Variants in WDR7 observed in about 807,000 individuals in gnomAD.
The protein encoded by WDR7 is WD repeat domain 7.
WDR7 carries 46 observed loss-of-function variants against 169.4 expected under a neutral mutation model. The observed-to-expected ratio is 0.27, with a 90% CI of 0.21 to 0.35. WDR7 has a LOEUF of 0.35. WDR7 is among the 10% of genes least tolerant of loss of function. The pLI is 1.00. For synonymous variants in WDR7, 612 were observed against 666.8 expected, an observed-to-expected ratio of 0.92 and a Z score of 1.27; for missense variants, 1,534 against 1,859.3, an observed-to-expected ratio of 0.83 and a Z score of 3.22.
At chr18:56,979,493 C>G (rs768736021) in intron 26 of WDR7, among the ~76,000 whole-genome samples, 1 of 152,138 alleles carries the variant, frequency 6.6e-6, no homozygotes, top group Non-Finnish European at 1.5e-5. Flanking sequence ...CTGATAAAAT[C>G]GCTAATAGAA....
At chr18:56,910,533 A>AT (rs2046538447) in intron 21 of WDR7, among the ~76,000 whole-genome samples, 1 of 152,014 alleles carries the variant, frequency 6.6e-6, no homozygotes, top group Admixed American at 6.6e-5. Flanking sequence ...GCTATTTGTG[A>AT]TTTTTCTCCA....
intron 25 of WDR7, among the ~76,000 whole-genome samples, chr18:56,950,144 A>G (rs180677679): frequency 2.6e-5 from 4 of 152,328 alleles, no homozygotes; most frequent in African/African-American, 4.8e-5. Flanking sequence ...TTTCTCCAAG[A>G]CAACCATGAG....
intron 26 of WDR7, among the ~76,000 whole-genome samples, chr18:56,982,556 C>A (rs201641314): frequency 1.3e-5 from 2 of 152,130 alleles, no homozygotes; most frequent in South Asian, 2.1e-4. Flanking sequence ...AGAAGAGCTT[C>A]TTTTCTAATT....
intron 26 of WDR7, among the ~76,000 whole-genome samples, chr18:56,977,716 C>G (rs1044570833): frequency 6.6e-6 from 1 of 151,984 alleles, no homozygotes; most frequent in African/African-American, 2.4e-5. Context: ...ATGACAGGAG[C>G]AAGAAAACAT....
intron 21 of WDR7, among the ~76,000 whole-genome samples, chr18:56,913,673 T>C (rs2046583916): frequency 6.6e-6 from 1 of 150,830 alleles, no homozygotes; most frequent in Admixed American, 6.6e-5. Flanking sequence ...TGTGCACCTG[T>C]AGTCCCAGGT....
intron 25 of WDR7, among the ~76,000 whole-genome samples, chr18:56,945,100 C>T (rs536331868): frequency 6.6e-6 from 1 of 152,108 alleles, no homozygotes; most frequent in East Asian, 1.9e-4. Flanking sequence ...TACCCTGTTC[C>T]GTAAAGGAGT....
intron 26 of WDR7, among the ~76,000 whole-genome samples, chr18:57,014,017 T>A (rs180828279): frequency 6.6e-6 from 1 of 152,180 alleles, no homozygotes. Context: ...ATTCCAGTAC[T>A]CAGTCTGGTT....
At chr18:56,733,149 T>G (rs2026624186) in intron 14 of WDR7, among the ~76,000 whole-genome samples, 1 of 152,192 alleles carries the variant, frequency 6.6e-6, no homozygotes. Flanking sequence ...TTATGTATTG[T>G]AAAATATATT....
chr18:56,733,412 C>T (rs1000880972), intron 14 of WDR7, among the ~76,000 whole-genome samples: 3 of 152,090 alleles, frequency 2.0e-5, no homozygotes, highest in Non-Finnish European at 4.4e-5. Flanking sequence ...GAGAAATAAA[C>T]CCACCCAAAG....
intron 21 of WDR7, among the ~76,000 whole-genome samples, chr18:56,910,416 C>T (rs1248976346): frequency 6.6e-6 from 1 of 152,124 alleles, no homozygotes; most frequent in Non-Finnish European, 1.5e-5. Context: ...ATGGTACTCT[C>T]CAATGTGGTC....
intron 19 of WDR7, among the ~76,000 whole-genome samples, chr18:56,792,112 C>T (rs1035747742): frequency 2.0e-5 from 3 of 152,008 alleles, no homozygotes; most frequent in African/African-American, 7.2e-5. Flanking sequence ...CAACCTCCTG[C>T]GTTCAAGCAA....
intron 1 of WDR7, among the ~76,000 whole-genome samples, chr18:56,669,757 G>T (rs2025094027): frequency 6.6e-6 from 1 of 151,878 alleles, no homozygotes; most frequent in South Asian, 2.1e-4. Context: ...TTTGCTTTTG[G>T]CACTTTCCAT....
At chr18:56,699,594 A>T (rs1313366045) in intron 12 of WDR7, among the ~76,000 whole-genome samples, 1 of 152,130 alleles carries the variant, frequency 6.6e-6, no homozygotes, top group African/African-American at 2.4e-5. Context: ...GACTTCTTGT[A>T]ATTATTTGTT....
intron 19 of WDR7, 152 bp from the exon 20 acceptor site, chr18:56,815,879 T>C (rs922294529): frequency 8.2e-6 from 5 of 612,450 alleles, no homozygotes; most frequent in Non-Finnish European, 8.4e-6. Context: ...GAATGTTTTA[T>C]TCATTGATTT....
At chr18:56,762,344 A>G (rs1050252584) in intron 16 of WDR7, among the ~76,000 whole-genome samples, 1 of 151,948 alleles carries the variant, frequency 6.6e-6, no homozygotes, top group Non-Finnish European at 1.5e-5. Flanking sequence ...AAGAGTTTGT[A>G]TAAGATTGGC....
intron 20 of WDR7, among the ~76,000 whole-genome samples, chr18:56,863,141 T>G (rs2045832228): frequency 6.6e-6 from 1 of 151,838 alleles, no homozygotes; most frequent in Admixed American, 6.6e-5. Flanking sequence ...ACATTTTGTT[T>G]CTTTTTCATA....
intron 26 of WDR7, among the ~76,000 whole-genome samples, chr18:57,019,845 T>C (rs539222440): frequency 6.6e-6 from 1 of 152,294 alleles, no homozygotes; most frequent in African/African-American, 2.4e-5. Flanking sequence ...TTCCTATTCC[T>C]TTCTAGACAA....
At chr18:56,776,932 C>A in intron 17 of WDR7, 52 bp downstream of exon 17, 1 of 1,481,980 alleles carries the variant, frequency 6.7e-7, no homozygotes, top group Non-Finnish European at 9.4e-7. Context: ...TTTATTCTGA[C>A]AGACATGTTC....
intron 26 of WDR7, among the ~76,000 whole-genome samples, chr18:56,998,469 G>A (rs2047929990): frequency 6.6e-6 from 1 of 152,160 alleles, no homozygotes; most frequent in African/African-American, 2.4e-5. Context: ...TGATCTGCAG[G>A]GAAAGAGTTA....
Sources: gnomAD v4.1 joint callset for allele counts (sites outside exome capture counted in the v4.1 genomes callset) on GRCh38, gnomAD v4.1.1 for gene constraint, MANE v1.5 for transcripts, NCBI Gene and HGNC (gene_info 2026-07-23, HGNC 2026-07-21) for gene names.